The following FRMD6 variants were observed in gnomAD, a reference collection of about 807,000 sequenced individuals.
The protein encoded by FRMD6 is FERM domain-containing protein 6.
FRMD6 carries 37 observed loss-of-function variants against 73.2 expected under a neutral mutation model. The ratio of observed to expected loss-of-function variants is 0.51; its 90% CI spans 0.39 to 0.66. The LOEUF is 0.66. FRMD6 is among the 30% of genes least tolerant of loss of function. The pLI is 0.00. For missense variants in FRMD6, 714 were observed against 780.5 expected (o/e 0.91, Z 1.02); for synonymous variants, 273 against 282.2 (o/e 0.97, Z 0.33).
At chr14:51,700,256 T>G (rs1479834525) in intron 3 of FRMD6, among the ~76,000 whole-genome samples, 2 of 152,066 alleles carry the variant, frequency 1.3e-5, no homozygotes, top group African/African-American at 4.8e-5. Context: ...AGACTTCTTT[T>G]GTGAAATAGC....
At chr14:51,514,185 C>G (rs780141182) in intron 1 of FRMD6, among the ~76,000 whole-genome samples, 1 of 152,208 alleles carries the variant, frequency 6.6e-6, no homozygotes, top group African/African-American at 2.4e-5. Context: ...AACAGACTCT[C>G]AGGCAGGAGG....
intron 10 of FRMD6, among the ~76,000 whole-genome samples, chr14:51,717,879 A>G (rs937787907): frequency 2.6e-5 from 4 of 152,222 alleles, no homozygotes; most frequent in African/African-American, 4.8e-5. Flanking sequence ...AAACAAAAAC[A>G]TGCCTTGCGT....
intron 1 of FRMD6, among the ~76,000 whole-genome samples, chr14:51,514,333 C>A (rs1884496238): frequency 6.8e-6 from 1 of 147,446 alleles, no homozygotes; most frequent in African/African-American, 2.6e-5. Flanking sequence ...ACATCACACA[C>A]TAGGGCCTGT....
In FRMD6 at chr14:51,539,494, A is replaced by T. The variant is rs544424477; in HGVS notation, c.-209-30854A>T. Among the ~76,000 whole-genome samples the T allele has an allele frequency of 2.6e-5, 4 of 152,300 alleles. No individual in the cohort carries two copies. In the South Asian group the frequency reaches 8.3e-4, roughly 32 times the overall value. ...TTAACAAGCATTTTTTGAAAGAAAA[A>T]AATGAATACATAGATAGCATTGGGA... On this transcript the variant is annotated intron_variant, in intron 1 of 14. Transcript: ENST00000356218.
chr14:51,644,387 A>ACACACACACT (rs1489278384), intron 2 of FRMD6, among the ~76,000 whole-genome samples: 51 of 115,054 alleles, frequency 4.4e-4, no homozygotes, highest in African/African-American at 1.2e-3. Context: ...ACACACACAC[A>ACACACACACT]CTCACTCACT....
the FRMD6 span, among the ~76,000 whole-genome samples, chr14:51,466,072 C>A: frequency 6.6e-6 from 1 of 151,836 alleles, no homozygotes; most frequent in African/African-American, 2.4e-5. Context: ...CATCTTTCTA[C>A]ATGTTTATCA....
chr14:51,642,832 A>G (rs1380532355), intron 2 of FRMD6, among the ~76,000 whole-genome samples: 2 of 152,248 alleles, frequency 1.3e-5, no homozygotes, highest in African/African-American at 2.4e-5. Context: ...CTAGTATACA[A>G]TACTTAATAA....
At chr14:51,704,485 C>T in intron 5 of FRMD6, 1 of 389,034 alleles carries the variant, frequency 2.6e-6, no homozygotes, top group Non-Finnish European at 4.6e-6. Flanking sequence ...CCTTTTTCTT[C>T]TCTGAATGAA....
At chr14:51,613,920 A>G (rs1163495636) in intron 2 of FRMD6, among the ~76,000 whole-genome samples, 1 of 152,110 alleles carries the variant, frequency 6.6e-6, no homozygotes, top group Non-Finnish European at 1.5e-5. Context: ...TAATCAATAC[A>G]ATAATTATTA....
At position 51,669,466 on chromosome 14, in the gene FRMD6, T is replaced by A. The variant is rs1204314517; in HGVS notation, c.-147+17470T>A. Among the ~76,000 whole-genome samples, 19 of 152,220 alleles carry A rather than the reference T, an allele frequency of 1.2e-4. 1 individual carries two copies. The highest frequency in any genetic ancestry group is 1.2e-3 in the Admixed American group (19 of 15,278). ...TCAAAGTGGCTGTATTATTTAACATTCCCACCAGCCATGTCTGAGAGTTCT... is the reference window on the plus strand; with the variant it reads ...TCAAAGTGGCTGTATTATTTAACATACCCACCAGCCATGTCTGAGAGTTCT... On this transcript the variant is annotated intron_variant, in intron 1 of 13. Coordinates refer to ENST00000344768, the MANE Select transcript of FRMD6 (RefSeq NM_001267046.2).
In FRMD6 at chr14:51,536,077, T is replaced by A. The variant is rs1056149428; in HGVS notation, c.-209-34271T>A. ...ATATTGCATTATATTATATATATAT[T>A]TTATATATATATATATATATAGAGA... On this transcript the variant is annotated intron_variant, in intron 1 of 14. Transcript: ENST00000356218. Among the ~76,000 whole-genome samples, 513 of 138,970 alleles carry A rather than the reference T, an allele frequency of 3.7e-3. 3 individuals carry two copies. Among genetic ancestry groups the A allele is most frequent in the Middle Eastern group, 0.022 (6 of 276 alleles). 91.2% of individuals were successfully genotyped at this position (138,970 alleles called of 152,430 possible).
chr14:51,705,192 C>G (rs1896552885), intron 6 of FRMD6, among the ~76,000 whole-genome samples: 1 of 152,226 alleles, frequency 6.6e-6, no homozygotes, highest in South Asian at 2.1e-4. Flanking sequence ...AGCCTCCTTT[C>G]AGCATTGACA....
At position 51,518,607 on chromosome 14, in the gene FRMD6, T is replaced by C. The variant is rs545675157; in HGVS notation, c.-210+29187T>C. Among the ~76,000 whole-genome samples the C allele has an allele frequency of 3.9e-5, 6 of 152,366 alleles. No individual in the cohort carries two copies. The South Asian group carries it at 1.2e-3, about 32-fold the overall frequency. On this transcript the variant is annotated intron_variant, in intron 1 of 14. Transcript: ENST00000356218. Reference sequence around the variant, plus strand: ...TAATGGTGGTCAGTCTTCTTTTTATTATTAATTTTACCTCTGATATAATCT... The same window carrying C: ...TAATGGTGGTCAGTCTTCTTTTTATCATTAATTTTACCTCTGATATAATCT...
chr14:51,604,471 A>G (rs1264214088), intron 2 of FRMD6, among the ~76,000 whole-genome samples: 1 of 152,176 alleles, frequency 6.6e-6, no homozygotes, highest in East Asian at 1.9e-4. Flanking sequence ...TCACAGCAAG[A>G]AGGAAGATTC....
chr14:51,725,732 G>T, intron 12 of FRMD6, 47 bp from the exon 13 acceptor site: 1 of 1,311,438 alleles, frequency 7.6e-7, no homozygotes, highest in South Asian at 1.2e-5. Flanking sequence ...CAAGAGGTGT[G>T]AATAATTTGA....
Position 51,533,858 on chromosome 14 carries a change from A to C in FRMD6, c.-209-36490A>C, listed in dbSNP as rs562708324. On this transcript the variant is annotated intron_variant, in intron 1 of 14. Coordinates refer to the FRMD6 transcript ENST00000356218. ...GTGCCTAGTGAGTTCTTGTCACTGCACACTGACAATAACTCCCCTCACTTG... is the reference window on the plus strand; with the variant it reads ...GTGCCTAGTGAGTTCTTGTCACTGCCCACTGACAATAACTCCCCTCACTTG... 4.0e-4 allele frequency among the ~76,000 whole-genome samples: 61 copies of C among 152,288 alleles called. No homozygotes were observed. The South Asian group carries it at 5.8e-3, about 14-fold the overall frequency.
chr14:51,715,689 G>A (rs572888735), intron 10 of FRMD6, among the ~76,000 whole-genome samples, 190 bp downstream of exon 10: 1 of 152,254 alleles, frequency 6.6e-6, no homozygotes, highest in Non-Finnish European at 1.5e-5. Flanking sequence ...CCCACCTACT[G>A]TAGCACTTAT....
chr14:51,623,125 G>C (rs1445745177), intron 2 of FRMD6, among the ~76,000 whole-genome samples: 1 of 152,102 alleles, frequency 6.6e-6, no homozygotes, highest in Non-Finnish European at 1.5e-5. Flanking sequence ...AAAAATAAGA[G>C]ATCTAATTTT....
the FRMD6 span, among the ~76,000 whole-genome samples, chr14:51,404,313 C>A: frequency 2.0e-5 from 3 of 151,906 alleles, no homozygotes; most frequent in African/African-American, 7.3e-5. Flanking sequence ...GTATTTGTTG[C>A]AAATATTTTC....
Sources: allele counts gnomAD v4.1 joint callset (sites outside exome capture counted in the v4.1 genomes callset), GRCh38; gene constraint gnomAD v4.1.1; transcripts MANE v1.5; gene names NCBI Gene and HGNC (gene_info 2026-07-23, HGNC 2026-07-21).